The following MCC variants were observed in gnomAD, a reference collection of about 807,000 sequenced individuals.
MCC encodes the protein colorectal mutant cancer protein.
Under a neutral mutation model 116.2 loss-of-function variants are expected in MCC, and 90 were observed. The ratio of observed to expected loss-of-function variants is 0.77; its 90% CI spans 0.65 to 0.92. MCC has a LOEUF of 0.92. Ranked by LOEUF, MCC falls within the 40% of genes least tolerant of loss-of-function variation. The pLI is 0.00. For missense variants in MCC, 1,516 were observed against 1,312.2 expected, an observed-to-expected ratio of 1.16 and a Z score of -2.40; for synonymous variants, 578 against 510.5, an observed-to-expected ratio of 1.13 and a Z score of -1.78.
At chr5:113,162,837 C>T (rs1009153471) in intron 3 of MCC, among the ~76,000 whole-genome samples, 2 of 152,058 alleles carry the variant, frequency 1.3e-5, no homozygotes, top group African/African-American at 4.8e-5. Flanking sequence ...CATATGCCAC[C>T]CCTTCTGCCT....
At chr5:113,402,136 T>C (rs1167153470) in intron 1 of MCC, among the ~76,000 whole-genome samples, 1 of 151,744 alleles carries the variant, frequency 6.6e-6, no homozygotes, top group Non-Finnish European at 1.5e-5. Flanking sequence ...CTACTAAAAA[T>C]ACAAAAAATT....
intron 1 of MCC, among the ~76,000 whole-genome samples, chr5:113,467,906 T>C (rs1386594510): frequency 2.6e-5 from 4 of 152,072 alleles, no homozygotes; most frequent in Non-Finnish European, 5.9e-5. Context: ...TCACATCCCT[T>C]GTAAGTTGGA....
intron 3 of MCC, among the ~76,000 whole-genome samples, chr5:113,220,502 A>G (rs771054744): frequency 6.6e-6 from 1 of 152,034 alleles, no homozygotes; most frequent in Non-Finnish European, 1.5e-5. Flanking sequence ...CATTTCTTTT[A>G]TTAATGTTTG....
chr5:113,436,345 C>G (rs547512496), intron 1 of MCC: 8 of 152,392 alleles, frequency 5.2e-5, no homozygotes, highest in African/African-American at 1.9e-4. Flanking sequence ...TCTCCCCAGC[C>G]ATCTGAATGG....
chr5:113,325,737 T>C (rs1436999169), intron 3 of MCC, among the ~76,000 whole-genome samples: 1 of 152,150 alleles, frequency 6.6e-6, no homozygotes, highest in Non-Finnish European at 1.5e-5. Context: ...AAACCTATAT[T>C]TTCCTTCTAA....
chr5:113,242,946 C>T (rs954956212), intron 3 of MCC, among the ~76,000 whole-genome samples: 3 of 152,130 alleles, frequency 2.0e-5, no homozygotes, highest in East Asian at 1.9e-4. Flanking sequence ...TCAGTGAGAG[C>T]GAGATCATCA....
chr5:113,351,044 A>G (rs1473580547), intron 2 of MCC, among the ~76,000 whole-genome samples: 1 of 151,956 alleles, frequency 6.6e-6, no homozygotes, highest in African/African-American at 2.4e-5. Context: ...AATAAACACT[A>G]GTGGGGATAT....
At chr5:113,082,121 C>T (rs993121525) in intron 11 of MCC, among the ~76,000 whole-genome samples, 4 of 152,202 alleles carry the variant, frequency 2.6e-5, no homozygotes, top group African/African-American at 9.7e-5. Context: ...TCATCACTGG[C>T]ATGACACATA....
chr5:113,048,049 T>C (rs1752229227), intron 16 of MCC, among the ~76,000 whole-genome samples: 1 of 152,206 alleles, frequency 6.6e-6, no homozygotes. Context: ...GAGAGCCCGT[T>C]AGTGGATCTG....
chr5:113,399,879 A>G (rs1769632991), intron 1 of MCC: 1 of 152,178 alleles, frequency 6.6e-6, no homozygotes, highest in Admixed American at 6.5e-5. Context: ...TGAACTTTCT[A>G]AGAGGTCACA....
intron 3 of MCC, among the ~76,000 whole-genome samples, chr5:113,312,133 T>G (rs1767149528): frequency 6.6e-6 from 1 of 151,852 alleles, no homozygotes; most frequent in Non-Finnish European, 1.5e-5. Flanking sequence ...AAAAATTAGC[T>G]GGGTGTGGTA....
chr5:113,228,579 G>A (rs1263195268), intron 3 of MCC, among the ~76,000 whole-genome samples: 4 of 152,186 alleles, frequency 2.6e-5, no homozygotes, highest in Non-Finnish European at 2.9e-5. Flanking sequence ...AAGGAAGGTG[G>A]AGGTGGTGGT....
intron 3 of MCC, among the ~76,000 whole-genome samples, chr5:113,221,359 C>T (rs1223839638): frequency 6.6e-6 from 1 of 152,238 alleles, no homozygotes; most frequent in African/African-American, 2.4e-5. Context: ...TGTCTTTGTC[C>T]ATTCCTGGGC....
intron 3 of MCC, among the ~76,000 whole-genome samples, chr5:113,197,150 T>A (rs1762451926): frequency 6.6e-6 from 1 of 152,212 alleles, no homozygotes; most frequent in Admixed American, 6.5e-5. Context: ...CGCTCCACTG[T>A]CACGGGCTTC....
intron 3 of MCC, among the ~76,000 whole-genome samples, chr5:113,166,059 G>C (rs775275595): frequency 6.6e-6 from 1 of 152,144 alleles, no homozygotes; most frequent in Non-Finnish European, 1.5e-5. Flanking sequence ...AGCAAAAGAA[G>C]TGACATCTAA....
chr5:113,065,407 G>C (rs768782795), intron 13 of MCC, among the ~76,000 whole-genome samples: 2 of 152,144 alleles, frequency 1.3e-5, no homozygotes, highest in Non-Finnish European at 2.9e-5. Flanking sequence ...AAACTGTGCT[G>C]GCTGAACAAA....
chr5:113,393,281 T>C (rs554548204), intron 1 of MCC, among the ~76,000 whole-genome samples: 1 of 152,278 alleles, frequency 6.6e-6, no homozygotes, highest in East Asian at 1.9e-4. Context: ...CTCTGTAACT[T>C]TCAATATTTA....
chr5:113,228,341 A>G (rs1763822510), intron 3 of MCC, among the ~76,000 whole-genome samples: 1 of 152,128 alleles, frequency 6.6e-6, no homozygotes, highest in African/African-American at 2.4e-5. Flanking sequence ...ACACACACAC[A>G]CACCACCCCC....
At chr5:113,079,823 A>G (rs1407165287) in intron 11 of MCC, among the ~76,000 whole-genome samples, 6 of 152,240 alleles carry the variant, frequency 3.9e-5, no homozygotes, top group Admixed American at 3.3e-4. Flanking sequence ...TAATTAAACT[A>G]AAGAGCTTCT....
Sources: allele counts gnomAD v4.1 joint callset (sites outside exome capture counted in the v4.1 genomes callset), GRCh38; gene constraint gnomAD v4.1.1; transcripts MANE v1.5; gene names NCBI Gene and HGNC (gene_info 2026-07-23, HGNC 2026-07-21).